ARL6IP6: variants seen among roughly 807,000 people sequenced by gnomAD.
The protein encoded by ARL6IP6 is ARF like GTPase 6 interacting protein 6.
In ARL6IP6, 22 loss-of-function variants were observed where a neutral mutation model predicts 21.5. The observed-to-expected ratio is 1.02, with a 90% CI of 0.73 to 1.46. ARL6IP6 has a LOEUF of 1.46. Among genes scored for constraint, ARL6IP6 ranks in the 40% most tolerant of loss-of-function variants. ARL6IP6 has a pLI of 0.00. For synonymous variants in ARL6IP6, 164 were observed against 125.3 expected (o/e 1.31, Z -2.06); for missense variants, 388 against 299.8 (o/e 1.29, Z -2.17).
chr2:152,722,503 G>A (rs568333646), intron 2 of ARL6IP6, among the ~76,000 whole-genome samples: 16 of 152,280 alleles, frequency 1.1e-4, no homozygotes, highest in Admixed American at 8.5e-4. Context: ...TATAGCAGAT[G>A]TATGTATTAT....
At chr2:152,732,204 T>A (rs934700551) in intron 2 of ARL6IP6, among the ~76,000 whole-genome samples, 2 of 151,990 alleles carry the variant, frequency 1.3e-5, no homozygotes, top group Non-Finnish European at 2.9e-5. Flanking sequence ...TAAAGACATA[T>A]AAAGTTACTG....
At chr2:152,753,028 CTTGGGAGGCTGGA>C (rs1701409843) in intron 3 of ARL6IP6, among the ~76,000 whole-genome samples, 1 of 152,048 alleles carries the variant, frequency 6.6e-6, no homozygotes, top group East Asian at 1.9e-4. Context: ...TCACCAGCTA[CTTGGGAGGCTGGA>C]GTGGGAGGAT....
At chr2:152,752,714 A>G (rs950255798) in intron 3 of ARL6IP6, among the ~76,000 whole-genome samples, 9 of 152,198 alleles carry the variant, frequency 5.9e-5, no homozygotes, top group African/African-American at 2.2e-4. Context: ...TAGGCACCCT[A>G]TGCAGGATGT....
At chr2:152,725,643 G>C (rs1451420351) in intron 2 of ARL6IP6, among the ~76,000 whole-genome samples, 3 of 149,830 alleles carry the variant, frequency 2.0e-5, no homozygotes, top group Non-Finnish European at 4.4e-5. Context: ...TTTTAATGAC[G>C]CAAGTGCAAA....
chr2:152,719,750 G>GAAAAA (rs11328553), intron 1 of ARL6IP6: 47 of 255,102 alleles, frequency 1.8e-4, no homozygotes, highest in Middle Eastern at 1.6e-3. Flanking sequence ...CCAAGTTACT[G>GAAAAA]AAAAAAAAAA....
chr2:152,746,698 A>G (rs1386071174), intron 3 of ARL6IP6, among the ~76,000 whole-genome samples: 1 of 152,138 alleles, frequency 6.6e-6, no homozygotes, highest in Admixed American at 6.6e-5. Flanking sequence ...GATAAAGCAG[A>G]CATAGTGTCA....
intron 3 of ARL6IP6, among the ~76,000 whole-genome samples, chr2:152,755,449 C>T (rs1701542096): frequency 6.6e-6 from 1 of 152,186 alleles, no homozygotes; most frequent in African/African-American, 2.4e-5. Context: ...GCTCCTGGTC[C>T]ACCCACTTTC....
rs1010413565 is a variant in ARL6IP6 at position 152,762,315 on chromosome 2, C to T, written c.*2475C>T. Among the ~76,000 whole-genome samples, 7 of 152,214 alleles carry T rather than the reference C, an allele frequency of 4.6e-5. No homozygotes were observed. The highest frequency in any genetic ancestry group is 1.7e-4 in the African/African-American group (7 of 41,460). ...AACGGATATTGCTAATGGCGTTACC[C>T]TGGTCCCTGAAGCCCAGTGGCAATC... On this transcript the variant is annotated 3_prime_UTR_variant, in exon 4 of 4. Coordinates refer to ENST00000326446, the MANE Select transcript of ARL6IP6 (RefSeq NM_152522.7).
At chr2:152,727,179 A>T (rs996589108) in intron 2 of ARL6IP6, among the ~76,000 whole-genome samples, 3 of 152,214 alleles carry the variant, frequency 2.0e-5, no homozygotes, top group Non-Finnish European at 2.9e-5. Context: ...AAAAACAGTG[A>T]TATTACCTTG....
chr2:152,726,425 C>T (rs1489988554), intron 2 of ARL6IP6, among the ~76,000 whole-genome samples: 2 of 152,156 alleles, frequency 1.3e-5, no homozygotes. Flanking sequence ...TCCTCTGCTC[C>T]TGCACTTGGC....
At chr2:152,721,363 T>A (rs368550672) in intron 2 of ARL6IP6, among the ~76,000 whole-genome samples, 19,910 of 151,482 alleles carry the variant, frequency 0.13, 1,565 homozygotes, top group Middle Eastern at 0.24. Flanking sequence ...TTTTTTTTTT[T>A]AAAGCATTGA....
At chr2:152,738,099 T>C (rs1051502472) in intron 3 of ARL6IP6, among the ~76,000 whole-genome samples, 3 of 152,210 alleles carry the variant, frequency 2.0e-5, no homozygotes, top group African/African-American at 4.8e-5. Flanking sequence ...TACAGGCCCA[T>C]GCAAGTCCGA....
intron 3 of ARL6IP6, among the ~76,000 whole-genome samples, chr2:152,746,001 CTTTTTTTTTTTTTTT>C (rs67760283): frequency 0.24 from 16,330 of 67,314 alleles, 1,758 homozygotes; most frequent in Admixed American, 0.3. Context: ...TGCTTTGTAC[CTTTTTTTTTTTTTTT>C]TTTTTTTTTT....
chr2:152,756,165 T>G (rs1383409935), intron 3 of ARL6IP6, among the ~76,000 whole-genome samples: 2 of 152,166 alleles, frequency 1.3e-5, no homozygotes, highest in Non-Finnish European at 1.5e-5. Flanking sequence ...TTCAAGGTCA[T>G]GAAGATTTAT....
chr2:152,746,279 G>A (rs1285055236), intron 3 of ARL6IP6, among the ~76,000 whole-genome samples: 1 of 151,920 alleles, frequency 6.6e-6, no homozygotes, highest in East Asian at 1.9e-4. Context: ...CACCTGCCTC[G>A]GCCTCCCAAA....
intron 3 of ARL6IP6, among the ~76,000 whole-genome samples, chr2:152,747,927 C>G (rs1475611971): frequency 6.6e-6 from 1 of 152,132 alleles, no homozygotes; most frequent in Non-Finnish European, 1.5e-5. Context: ...TCTGGAATCC[C>G]TGACCTCAAG....
At chr2:152,732,673 G>A (rs1700375327) in intron 2 of ARL6IP6, 22 of 333,736 alleles carry the variant, frequency 6.6e-5, no homozygotes, top group South Asian at 5.1e-4. Flanking sequence ...ATATACAGTT[G>A]TCCCTCAGTA....
At chr2:152,729,448 A>C (rs1459411498) in intron 2 of ARL6IP6, among the ~76,000 whole-genome samples, 1 of 152,238 alleles carries the variant, frequency 6.6e-6, no homozygotes, top group African/African-American at 2.4e-5. Context: ...TTTATTTAAA[A>C]GCCTGCAACC....
At chr2:152,741,769 G>A (rs1211929909) in intron 3 of ARL6IP6, among the ~76,000 whole-genome samples, 2 of 152,166 alleles carry the variant, frequency 1.3e-5, no homozygotes, top group African/African-American at 4.8e-5. Flanking sequence ...GACTTCAACA[G>A]GCATATTTTT....
Sources: gnomAD v4.1 joint callset for allele counts (sites outside exome capture counted in the v4.1 genomes callset) on GRCh38, gnomAD v4.1.1 for gene constraint, MANE v1.5 for transcripts, NCBI Gene and HGNC (gene_info 2026-07-23, HGNC 2026-07-21) for gene names.